Variants in MGP observed in about 807,000 individuals in gnomAD.
MGP encodes the protein matrix Gla protein, also known as cell growth-inhibiting gene 36 protein.
Under a neutral mutation model 14.5 loss-of-function variants are expected in MGP, and 13 were observed. That is an observed-to-expected ratio of 0.89 (90% CI 0.58 to 1.42). MGP has a LOEUF of 1.42. Among genes scored for constraint, MGP ranks in the 40% most tolerant of loss-of-function variants. MGP has a pLI of 0.00. For synonymous variants in MGP, 44 were observed against 46.3 expected (o/e 0.95, Z 0.20); for missense variants, 128 against 133.7 (o/e 0.96, Z 0.21).
intron 2 of MGP, 67 bp from the exon 3 acceptor site, chr12:14,883,114 C>G: frequency 8.2e-7 from 1 of 1,215,008 alleles, no homozygotes; most frequent in Non-Finnish European, 1.2e-6. Context: ...CGTGAATATT[C>G]CTTGACACAA....
At chr12:14,884,077 A>G in intron 2 of MGP, 136 bp downstream of exon 2, 1 of 715,532 alleles carries the variant, frequency 1.4e-6, no homozygotes, top group Non-Finnish European at 2.2e-6. Context: ...CATTAGATTT[A>G]AAAATTTACT....
chr12:14,882,385 C>T (rs996805429), intron 3 of MGP, 105 bp from the exon 4 acceptor site: 7 of 1,364,002 alleles, frequency 5.1e-6, no homozygotes, highest in Non-Finnish European at 6.3e-6. Context: ...CCATGCCCCC[C>T]TATATTAAGA....
rs554538909 is a variant in MGP at position 14,881,533 on chromosome 12, C to G, written c.*606G>C. On this transcript the variant is annotated 3_prime_UTR_variant, in exon 4 of 4. Coordinates refer to ENST00000539261, the MANE Select transcript of MGP (RefSeq NM_000900.5). The stretch of plus-strand genomic sequence containing the variant: ...TTTTGCCAATTGCTTTTATTTGTCC[C>G]TTCTGCTTTCTCTTTTCCTTTTCCT... 2.0e-5 allele frequency: 3 copies of G among 153,636 alleles called. No homozygotes were observed. The highest frequency in any genetic ancestry group is 7.2e-5 in the African/African-American group (3 of 41,486). 9.5% of individuals were successfully genotyped at this position (153,636 alleles called of 1,614,324 possible).
chr12:14,884,756 A>C, intron 1 of MGP: 1 of 1,475,722 alleles, frequency 6.8e-7, no homozygotes, highest in Non-Finnish European at 9.1e-7. Context: ...AAAGCCTCTT[A>C]AGAACCTGTG....
In MGP at chr12:14,883,742, C is replaced by T. The variant is rs568017887; in HGVS notation, c.94+471G>A. ...TGAACCTGGGAGGTGGAGGTTGCGG[C>T]GAGCCGAGATCACACCACTGCACTC... On this transcript the variant is annotated intron_variant, in intron 2 of 3. Coordinates refer to ENST00000539261, the MANE Select transcript of MGP (RefSeq NM_000900.5). 13 of 157,932 alleles carry T rather than the reference C, an allele frequency of 8.2e-5. No individual in the cohort carries two copies. In the East Asian group the frequency reaches 1.8e-3, roughly 22 times the overall value. 9.8% of individuals were successfully genotyped at this position (157,932 alleles called of 1,614,324 possible). A position where few individuals can be genotyped will look rare whatever the true frequency, so the allele number is the denominator to read the frequency against.
chr12:14,885,706 G>A, intron 1 of MGP, 25 bp downstream of exon 1: 1 of 1,601,956 alleles, frequency 6.2e-7, no homozygotes, highest in Non-Finnish European at 8.5e-7. Flanking sequence ...AGTAAACACA[G>A]AGAAATGGGA....
intron 3 of MGP, 28 bp downstream of exon 3, chr12:14,882,944 C>G: frequency 4.0e-6 from 6 of 1,502,140 alleles, no homozygotes; most frequent in Non-Finnish European, 5.6e-6. Flanking sequence ...GGAAAAATGA[C>G]CACTCCTCAT....
chr12:14,885,031 A>G, intron 1 of MGP: 1 of 567,072 alleles, frequency 1.8e-6, no homozygotes, highest in Non-Finnish European at 3.0e-6. Context: ...GAGAAGCATA[A>G]TCTTTATGGT....
chr12:14,883,127 A>G, intron 2 of MGP, 80 bp from the exon 3 acceptor site: 2 of 1,152,286 alleles, frequency 1.7e-6, no homozygotes, highest in Non-Finnish European at 2.6e-6. Flanking sequence ...TGACACAAAT[A>G]TATTTGAAAG....
At chr12:14,884,965 A>G (rs1010655160) in intron 1 of MGP, 1 of 1,303,776 alleles carries the variant, frequency 7.7e-7, no homozygotes, top group African/African-American at 1.5e-5. Flanking sequence ...TCAAAACTTA[A>G]AAAGGAGGTG....
At chr12:14,884,678 C>G (rs1267655235) in intron 1 of MGP, 5 of 637,406 alleles carry the variant, frequency 7.8e-6, no homozygotes, top group Non-Finnish European at 5.1e-6. Context: ...CCAGGTTTCT[C>G]CAGGCAAGAG....
chr12:14,884,156 T>C, intron 2 of MGP, 57 bp downstream of exon 2: 1 of 1,314,670 alleles, frequency 7.6e-7, no homozygotes, highest in South Asian at 1.3e-5. Context: ...TATTTAAAAA[T>C]AAGAAGAGGT....
intron 3 of MGP, among the ~76,000 whole-genome samples, chr12:14,882,712 G>GTT (rs1863392821): frequency 8.9e-6 from 1 of 111,904 alleles, no homozygotes; most frequent in Non-Finnish European, 1.9e-5. Flanking sequence ...CAGAACAGGA[G>GTT]ATTTTTTTTT....
chr12:14,882,826 T>G, intron 3 of MGP, 146 bp downstream of exon 3: 1 of 680,010 alleles, frequency 1.5e-6, no homozygotes. Context: ...ATTCAGTTGT[T>G]TTCTGAATAT....
At position 14,885,726 on chromosome 12, in the gene MGP, C is replaced by T. The variant is rs777752656; in HGVS notation, c.61+5G>A. The T allele has an allele frequency of 4.3e-6, 7 of 1,612,518 alleles. No homozygotes were observed. The highest frequency in any genetic ancestry group is 5.9e-6 in the Non-Finnish European group (7 of 1,178,850). ...ACACAGAGAAATGGGAGAAAAGTTT[C>T]TCACCATAACACAAAGTTACTACCG... On this transcript the variant is annotated splice_donor_5th_base_variant and intron_variant, in intron 1 of 3. Transcript: ENST00000539261.
chr12:14,884,342 G>A, intron 1 of MGP, 97 bp from the exon 2 acceptor site: 1 of 814,534 alleles, frequency 1.2e-6, no homozygotes, highest in African/African-American at 1.7e-5. Context: ...TTTAAATACA[G>A]GGATGGAAGA....
intron 3 of MGP, 116 bp from the exon 4 acceptor site, chr12:14,882,396 G>T: frequency 7.7e-7 from 1 of 1,299,502 alleles, no homozygotes; most frequent in Non-Finnish European, 1.1e-6. Context: ...TATATTAAGA[G>T]ATATTTAAAG....
intron 2 of MGP, 88 bp downstream of exon 2, chr12:14,884,125 T>C (rs909041132): frequency 9.1e-6 from 10 of 1,100,048 alleles, no homozygotes; most frequent in South Asian, 1.5e-5. Flanking sequence ...CCCTCCCTGT[T>C]ATATATCTTT....
chr12:14,881,774 G>A lies in MGP; in HGVS notation c.*365C>T, dbSNP rs894036028. On this transcript the variant is annotated 3_prime_UTR_variant, in exon 4 of 4. Transcript: ENST00000539261. ...GCCTTCTTAGCTTCCTTCTTTTTAT[G>A]TAGTTATTTTTCTAATTAATACTAG... The A allele has an allele frequency of 2.3e-5, 5 of 215,440 alleles. No individual in the cohort carries two copies. The highest frequency in any genetic ancestry group is 2.9e-5 in the Non-Finnish European group (3 of 104,946). The allele number at this position is 215,440 out of a possible 1,614,324, so 13.3% of individuals were successfully genotyped here. A position where few individuals can be genotyped will look rare whatever the true frequency, so the allele number is the denominator to read the frequency against.
Sources: allele counts gnomAD v4.1 joint callset (sites outside exome capture counted in the v4.1 genomes callset), GRCh38; gene constraint gnomAD v4.1.1; transcripts MANE v1.5; gene names NCBI Gene and HGNC (gene_info 2026-07-23, HGNC 2026-07-21).